The following MAP2 variants were observed in gnomAD, a reference collection of about 807,000 sequenced individuals.
The protein encoded by MAP2 is microtubule-associated protein 2.
MAP2 carries 14 observed loss-of-function variants against 137.6 expected under a neutral mutation model. The ratio of observed to expected loss-of-function variants is 0.10; its 90% CI spans 0.07 to 0.16. The LOEUF (loss-of-function observed/expected upper bound fraction) is 0.16. MAP2 is among the 10% of genes least tolerant of loss of function. The pLI is 1.00. For missense variants in MAP2, 2,088 were observed against 2,191.5 expected, an observed-to-expected ratio of 0.95 and a Z score of 0.94; for synonymous variants, 786 against 782.3, an observed-to-expected ratio of 1.00 and a Z score of -0.08.
At chr2:209,606,916 TATTAA>T (rs2084966011) in intron 3 of MAP2, among the ~76,000 whole-genome samples, 1 of 152,228 alleles carries the variant, frequency 6.6e-6, no homozygotes, top group African/African-American at 2.4e-5. Flanking sequence ...GCATTAATGA[TATTAA>T]ATATATCATT....
rs533516837 is a variant in MAP2, at chr2:209,572,791, G to T, written c.-171-7245G>T. 4.6e-4 allele frequency among the ~76,000 whole-genome samples: 70 copies of T among 152,250 alleles called. No individual in the cohort carries two copies. The South Asian group carries it at 0.01, about 22-fold the overall frequency. ...AACTAGTAACTCAGCTTCGTTGATG[G>T]TGTATAGTTAATACTTTTTATAGTT... On this transcript the variant is annotated intron_variant, in intron 2 of 15. Transcript: ENST00000682079.
chr2:209,508,589 CACA>C (rs1277484715), intron 2 of MAP2, among the ~76,000 whole-genome samples: 3,831 of 15,102 alleles, frequency 0.25, 168 homozygotes, highest in African/African-American at 0.3. Context: ...CTGTCCCACA[CACA>C]CACACACACA....
intron 1 of MAP2, among the ~76,000 whole-genome samples, chr2:209,483,559 G>A (rs1347976839): frequency 6.6e-6 from 1 of 152,206 alleles, no homozygotes; most frequent in Non-Finnish European, 1.5e-5. Context: ...GGCTGATAGA[G>A]CGAGACTCCA....
chr2:209,645,010 T>C (rs1034779917), intron 4 of MAP2, among the ~76,000 whole-genome samples: 1 of 152,232 alleles, frequency 6.6e-6, no homozygotes, highest in Non-Finnish European at 1.5e-5. Context: ...TTCTTATTTC[T>C]TTCCTTTAAA....
chr2:209,645,759 C>T (rs929901018), intron 4 of MAP2, among the ~76,000 whole-genome samples: 1 of 151,980 alleles, frequency 6.6e-6, no homozygotes, highest in Non-Finnish European at 1.5e-5. Flanking sequence ...ATAACTTTCA[C>T]AATTATAAAT....
At chr2:209,488,790 AG>A (rs888435750) in intron 1 of MAP2, among the ~76,000 whole-genome samples, 33 of 152,162 alleles carry the variant, frequency 2.2e-4, no homozygotes, top group Admixed American at 6.5e-5. Context: ...AGCCCCAGTC[AG>A]GGGCTTATAA....
chr2:209,586,366 T>G (rs2077718173), intron 3 of MAP2, among the ~76,000 whole-genome samples: 1 of 152,114 alleles, frequency 6.6e-6, no homozygotes, highest in Non-Finnish European at 1.5e-5. Flanking sequence ...TGTAGCTTCC[T>G]TATAAATAAG....
intron 2 of MAP2, among the ~76,000 whole-genome samples, chr2:209,562,439 G>C (rs1258352624): frequency 6.6e-6 from 1 of 151,694 alleles, no homozygotes; most frequent in African/African-American, 2.4e-5. Context: ...GCTTACGTCT[G>C]TAATTCCAGA....
chr2:209,527,899 C>T (rs1165602523), intron 2 of MAP2, among the ~76,000 whole-genome samples: 1 of 152,124 alleles, frequency 6.6e-6, no homozygotes, highest in Non-Finnish European at 1.5e-5. Flanking sequence ...ACATAGATTG[C>T]CTCCTGGCTT....
chr2:209,650,934 CTTAA>C (rs1223948617), intron 4 of MAP2, among the ~76,000 whole-genome samples: 1 of 152,002 alleles, frequency 6.6e-6, no homozygotes, highest in Non-Finnish European at 1.5e-5. Context: ...ATATGGAAAT[CTTAA>C]TTAAGCTCTT....
At chr2:209,591,604 C>T (rs1224437139) in intron 3 of MAP2, among the ~76,000 whole-genome samples, 2 of 152,074 alleles carry the variant, frequency 1.3e-5, no homozygotes, top group Non-Finnish European at 1.5e-5. Flanking sequence ...AGTTTAAAAA[C>T]AAGCCAAACA....
chr2:209,506,151 A>G (rs1049166045), intron 1 of MAP2, among the ~76,000 whole-genome samples: 3 of 152,174 alleles, frequency 2.0e-5, no homozygotes, highest in Non-Finnish European at 4.4e-5. Context: ...TAAAGGCATT[A>G]ATCTTAAATG....
intron 2 of MAP2, among the ~76,000 whole-genome samples, chr2:209,542,215 C>T (rs2067179759): frequency 6.6e-6 from 1 of 152,220 alleles, no homozygotes; most frequent in Admixed American, 6.5e-5. Context: ...TGAGCAGTAA[C>T]CTTTTAAAAG....
rs1329193399 is a variant in MAP2, at chr2:209,547,037, TCA to T, written c.-171-32997_-171-32996del. Reference sequence around the variant, plus strand: ...CATATTTGGAAAGAAAATAGAATTCTCACTTTACCTGTCCAACTGGGAAAAAT... The same window carrying T: ...CATATTTGGAAAGAAAATAGAATTCTCTTTACCTGTCCAACTGGGAAAAAT... On this transcript the variant is annotated intron_variant, in intron 2 of 15. Transcript: ENST00000682079. Among the ~76,000 whole-genome samples the T allele has an allele frequency of 4.6e-5, 7 of 152,184 alleles. 1 individual carries two copies. Among genetic ancestry groups the T allele is most frequent in the African/African-American group, 1.7e-4 (7 of 41,440 alleles).
Position 209,730,047 on chromosome 2 carries a change from T to C in MAP2, c.5268+85T>C, listed in dbSNP as rs1001699197. Reference sequence around the variant, plus strand: ...CTTCATCAAAATAGGTCCCAGATTGTAGACCTGGACAAATAAGAAGTGGGG... The same window carrying C: ...CTTCATCAAAATAGGTCCCAGATTGCAGACCTGGACAAATAAGAAGTGGGG... On this transcript the variant is annotated intron_variant, in intron 15 of 15. Transcript: ENST00000682079. The C allele has an allele frequency of 7.8e-6, 9 of 1,156,826 alleles. No individual in the cohort carries two copies. The African/African-American group carries it at 1.2e-4, about 16-fold the overall frequency. The allele number at this position is 1,156,826 out of a possible 1,614,324, so 71.7% of individuals were successfully genotyped here. A position where few individuals can be genotyped will look rare whatever the true frequency, so the allele number is the denominator to read the frequency against.
chr2:209,610,135 TG>T (rs1039379146), intron 3 of MAP2, among the ~76,000 whole-genome samples: 13 of 152,112 alleles, frequency 8.5e-5, no homozygotes, highest in African/African-American at 3.1e-4. Context: ...ATATTTTAGC[TG>T]TGATCTATGG....
At chr2:209,728,805 T>C (rs1177592123) in intron 14 of MAP2, among the ~76,000 whole-genome samples, 1 of 152,214 alleles carries the variant, frequency 6.6e-6, no homozygotes, top group Non-Finnish European at 1.5e-5. Flanking sequence ...CTTTGAAATA[T>C]GTAGTCTGTA....
At chr2:209,719,146 A>C (rs938119816) in intron 13 of MAP2, among the ~76,000 whole-genome samples, 7 of 152,220 alleles carry the variant, frequency 4.6e-5, no homozygotes, top group African/African-American at 1.7e-4. Context: ...TGCAAGGTTA[A>C]AGGGAAGTCA....
intron 1 of MAP2, among the ~76,000 whole-genome samples, chr2:209,458,780 T>TC (rs1359417890): frequency 6.6e-6 from 1 of 152,108 alleles, no homozygotes; most frequent in Non-Finnish European, 1.5e-5. Context: ...CATACGATGC[T>TC]CCCTCCACCT....
Sources: gnomAD v4.1 joint callset for allele counts (sites outside exome capture counted in the v4.1 genomes callset) on GRCh38, gnomAD v4.1.1 for gene constraint, MANE v1.5 for transcripts, NCBI Gene and HGNC (gene_info 2026-07-23, HGNC 2026-07-21) for gene names.